Variants in ACCSL observed in about 807,000 individuals in gnomAD.
ACCSL encodes the protein probable inactive 1-aminocyclopropane-1-carboxylate synthase-like protein 2.
ACCSL carries 55 observed loss-of-function variants against 61.7 expected under a neutral mutation model. That is an observed-to-expected ratio of 0.89 (90% CI 0.72 to 1.12). ACCSL has a LOEUF of 1.12. ACCSL is among the 50% of genes most tolerant of loss of function. The probability of loss-of-function intolerance (pLI) is 0.00; values close to 1 mark genes in which losing one functional copy is unlikely to be tolerated. For synonymous variants in ACCSL, 258 were observed against 264.3 expected, an observed-to-expected ratio of 0.98 and a Z score of 0.23; for missense variants, 632 against 698.0, an observed-to-expected ratio of 0.91 and a Z score of 1.07.
the ACCSL span, among the ~76,000 whole-genome samples, chr11:43,982,537 A>G: frequency 6.6e-6 from 1 of 151,896 alleles, no homozygotes; most frequent in Admixed American, 6.6e-5. Flanking sequence ...CTTTTCTCAC[A>G]CAACACGTCC....
At chr11:44,000,511 G>C in the ACCSL span, among the ~76,000 whole-genome samples, 1 of 141,016 alleles carries the variant, frequency 7.1e-6, no homozygotes, top group Non-Finnish European at 1.5e-5. Context: ...GGGTGACCGA[G>C]TGAGACTCTG....
chr11:44,052,579 T>C (rs933284211), intron 5 of ACCSL, 83 bp from the exon 6 acceptor site: 6 of 1,197,078 alleles, frequency 5.0e-6, no homozygotes, highest in African/African-American at 4.6e-5. Flanking sequence ...TTTCTGTCGA[T>C]AGCTTTGCTA....
the ACCSL span, among the ~76,000 whole-genome samples, chr11:44,008,608 A>T: frequency 6.6e-5 from 10 of 152,248 alleles, no homozygotes; most frequent in African/African-American, 2.4e-4. Flanking sequence ...CGCGAAGCAT[A>T]GTCTTTCTAT....
At chr11:43,950,055 G>A in the ACCSL span, among the ~76,000 whole-genome samples, 1 of 152,168 alleles carries the variant, frequency 6.6e-6, no homozygotes, top group Admixed American at 6.5e-5. Context: ...ATGTAAAAAT[G>A]CAGATTCACT....
chr11:44,031,229 C>T, the ACCSL span, among the ~76,000 whole-genome samples: 17 of 152,268 alleles, frequency 1.1e-4, no homozygotes, highest in East Asian at 1.7e-3. Context: ...AACGTTCGCA[C>T]GTCATCCTGC....
At chr11:44,028,739 C>A in the ACCSL span, among the ~76,000 whole-genome samples, 2 of 152,184 alleles carry the variant, frequency 1.3e-5, no homozygotes, top group Non-Finnish European at 2.9e-5. Flanking sequence ...CTTGTCTGTG[C>A]CTCAGTCTCC....
the ACCSL span, chr11:43,947,210 G>T: frequency 5.9e-5 from 9 of 152,194 alleles, no homozygotes; most frequent in African/African-American, 1.9e-4. Context: ...CAGCTCTCCC[G>T]TGAACCAACA....
At chr11:44,016,039 A>G in the ACCSL span, among the ~76,000 whole-genome samples, 1 of 152,274 alleles carries the variant, frequency 6.6e-6, no homozygotes, top group Non-Finnish European at 1.5e-5. Flanking sequence ...CCCTTACTCT[A>G]GCCTGCTATT....
the ACCSL span, among the ~76,000 whole-genome samples, chr11:43,978,117 C>T: frequency 1.4e-5 from 2 of 145,442 alleles, no homozygotes; most frequent in South Asian, 2.2e-4. Flanking sequence ...TCAAGTGATT[C>T]TCCTGCCTCA....
the ACCSL span, among the ~76,000 whole-genome samples, chr11:44,013,423 G>A: frequency 6.6e-6 from 1 of 152,064 alleles, no homozygotes; most frequent in Non-Finnish European, 1.5e-5. Context: ...TGGATTACAG[G>A]TGCCCACCAC....
chr11:43,980,824 C>T, the ACCSL span, among the ~76,000 whole-genome samples: 1 of 151,482 alleles, frequency 6.6e-6, no homozygotes, highest in African/African-American at 2.4e-5. Flanking sequence ...TCATTCAATC[C>T]TCACCTCCAA....
the ACCSL span, among the ~76,000 whole-genome samples, chr11:43,973,419 TATC>T: frequency 8.9e-5 from 2 of 22,486 alleles, no homozygotes; most frequent in Non-Finnish European, 2.1e-4. Flanking sequence ...GATATCTATC[TATC>T]TATCTATCTA....
chr11:44,004,538 A>G, the ACCSL span, among the ~76,000 whole-genome samples: 179 of 152,250 alleles, frequency 1.2e-3, 1 homozygote, highest in African/African-American at 4.3e-3. Flanking sequence ...GCGACTCTCA[A>G]GGGCATGTAC....
chr11:43,988,968 G>T, the ACCSL span, among the ~76,000 whole-genome samples: 2 of 151,948 alleles, frequency 1.3e-5, no homozygotes, highest in Admixed American at 6.6e-5. Context: ...GTCCTCACCC[G>T]CAGCCAAAAG....
chr11:43,991,687 G>A, the ACCSL span, among the ~76,000 whole-genome samples: 10 of 152,262 alleles, frequency 6.6e-5, no homozygotes, highest in Admixed American at 2.0e-4. Context: ...CCAGCTACTC[G>A]GGAGGCTGAG....
the ACCSL span, among the ~76,000 whole-genome samples, chr11:43,937,615 T>C: frequency 6.6e-6 from 1 of 152,196 alleles, no homozygotes; most frequent in African/African-American, 2.4e-5. Flanking sequence ...ACTCATCCTC[T>C]TTCCAGTGCT....
the ACCSL span, among the ~76,000 whole-genome samples, chr11:43,966,740 GA>G: frequency 1.3e-5 from 2 of 152,172 alleles, no homozygotes; most frequent in African/African-American, 4.8e-5. Context: ...TGAGTGACTT[GA>G]TTTTTTTTTC....
the ACCSL span, among the ~76,000 whole-genome samples, chr11:43,945,830 C>G: frequency 6.6e-6 from 1 of 152,056 alleles, no homozygotes; most frequent in African/African-American, 2.4e-5. Context: ...GTGTGGGTGA[C>G]AGAGTGAGAC....
At chr11:44,026,918 G>C in the ACCSL span, among the ~76,000 whole-genome samples, 8 of 152,172 alleles carry the variant, frequency 5.3e-5, no homozygotes, top group East Asian at 1.5e-3. Flanking sequence ...TAGTAGAGAC[G>C]GGTTTCTCCA....
Sources: gnomAD v4.1 joint callset for allele counts (sites outside exome capture counted in the v4.1 genomes callset) on GRCh38, gnomAD v4.1.1 for gene constraint, MANE v1.5 for transcripts, NCBI Gene and HGNC (gene_info 2026-07-23, HGNC 2026-07-21) for gene names.